CTR9: variants seen among roughly 807,000 people sequenced by gnomAD.
CTR9 encodes RNA polymerase-associated protein CTR9 homolog.
In CTR9, 41 loss-of-function variants were observed where a neutral mutation model predicts 152.1. The ratio of observed to expected loss-of-function variants is 0.27; its 90% CI spans 0.21 to 0.35. CTR9 has a LOEUF of 0.35. Ranked by LOEUF, CTR9 falls within the 10% of genes least tolerant of loss-of-function variation. CTR9 has a pLI of 1.00. For synonymous variants in CTR9, 476 were observed against 496.2 expected (o/e 0.96, Z 0.54); for missense variants, 917 against 1,424.4 (o/e 0.64, Z 5.73).
At chr11:10,757,085 G>T (rs1862896906) in intron 5 of CTR9, among the ~76,000 whole-genome samples, 1 of 152,142 alleles carries the variant, frequency 6.6e-6, no homozygotes, top group Admixed American at 6.5e-5. Flanking sequence ...AGGAGTTTGA[G>T]ACCAGCCTGG....
In CTR9 at chr11:10,751,476, G is replaced by C; in HGVS notation, c.45+19G>C. On this transcript the variant is annotated intron_variant, in intron 1 of 24. Coordinates refer to ENST00000361367, the MANE Select transcript of CTR9 (RefSeq NM_014633.5). Reference sequence around the variant, plus strand: ...TGACGAGGTAAGTGTCGTGTATGGAGGCGGGTGGGGGCCATGAACTTGTAC... The same window carrying C: ...TGACGAGGTAAGTGTCGTGTATGGACGCGGGTGGGGGCCATGAACTTGTAC... 1 of 1,612,180 alleles carries C rather than the reference G, an allele frequency of 6.2e-7. No homozygotes were observed. The highest frequency in any genetic ancestry group is 2.2e-5 in the East Asian group (1 of 44,850).
intron 21 of CTR9, among the ~76,000 whole-genome samples, 174 bp from the exon 22 acceptor site, chr11:10,773,838 T>C (rs988649227): frequency 6.7e-6 from 1 of 150,304 alleles, no homozygotes; most frequent in African/African-American, 2.5e-5. Flanking sequence ...TGAGCCGAGA[T>C]TGCCCCACTG....
intron 9 of CTR9, 43 bp downstream of exon 9, chr11:10,763,922 TC>T (rs775602651): frequency 7.0e-7 from 1 of 1,438,844 alleles, no homozygotes; most frequent in East Asian, 2.3e-5. Flanking sequence ...CTGTTAGCTG[TC>T]CCAAAACTCC....
In CTR9 at chr11:10,778,147, C is replaced by CA. The variant is rs549552860; in HGVS notation, c.3096-531dup. ...TGGTCATGGTGGAGGGGACCTAGTG[C>CA]AGTAGCAAATCTTAGGACAGGAATA... On this transcript the variant is annotated intron_variant, in intron 24 of 24. Coordinates refer to ENST00000361367, the MANE Select transcript of CTR9 (RefSeq NM_014633.5). Among the ~76,000 whole-genome samples the CA allele has an allele frequency of 4.1e-4, 62 of 152,314 alleles. 2 individuals are homozygous for CA. The South Asian group carries it at 0.013, about 32-fold the overall frequency.
Position 10,764,323 on chromosome 11 carries a change from T to A in CTR9, c.1300T>A (p.Tyr434Asn). ...GAAAATACAGGGTGCCCTTTCAGCC[T>A]ATGGAACAGCAACACGAATCCTTCA... ...QTDIQGALSA[Y>N]GTATRILQEK... The change falls in exon 11 of 25, where the codon TAT (tyrosine) becomes AAT (asparagine). Residue 434 changes from tyrosine to asparagine, a missense_variant. By Grantham distance (143) the Tyr-to-Asn change is moderately radical (BLOSUM62 -2). Around this residue, in one of 9 missense-constraint regions of CTR9, gnomAD observed 133 missense variants for 244.1 expected, o/e 0.54. Coordinates refer to ENST00000361367, the MANE Select transcript of CTR9 (RefSeq NM_014633.5). 1 of 1,614,132 alleles carries A rather than the reference T, an allele frequency of 6.2e-7. No individual in the cohort carries two copies. Among genetic ancestry groups the A allele is most frequent in the Non-Finnish European group, 8.5e-7 (1 of 1,180,004 alleles).
intron 7 of CTR9, among the ~76,000 whole-genome samples, chr11:10,762,764 G>A (rs1283471713): frequency 2.0e-5 from 3 of 152,122 alleles, no homozygotes; most frequent in Non-Finnish European, 4.4e-5. Flanking sequence ...AGCATTTTGA[G>A]GGGCCTAGGT....
At chr11:10,769,717 A>G (rs1252198711) in intron 16 of CTR9, among the ~76,000 whole-genome samples, 1 of 152,222 alleles carries the variant, frequency 6.6e-6, no homozygotes, top group African/African-American at 2.4e-5. Flanking sequence ...AAAAAGTGCT[A>G]TGTTCATGTC....
In CTR9 at chr11:10,763,544, T is replaced by G. The variant is rs1590021186; in HGVS notation, c.957+6T>G. 1 of 1,591,108 alleles carries G rather than the reference T, an allele frequency of 6.3e-7. No homozygotes were observed. The highest frequency in any genetic ancestry group is 8.5e-7 in the Non-Finnish European group (1 of 1,171,348). On this transcript the variant is annotated splice_donor_region_variant and intron_variant, in intron 8 of 24. Coordinates refer to ENST00000361367, the MANE Select transcript of CTR9 (RefSeq NM_014633.5). ...CTAGATCATTCCATGTTCAGGTAATTTTATAACTTCTCTAAATGTCTAATC... is the reference window on the plus strand; with the variant it reads ...CTAGATCATTCCATGTTCAGGTAATGTTATAACTTCTCTAAATGTCTAATC...
At chr11:10,764,002 A>T (rs1293709758) in intron 9 of CTR9, 110 bp from the exon 10 acceptor site, 5 of 1,343,102 alleles carry the variant, frequency 3.7e-6, no homozygotes, top group Non-Finnish European at 5.2e-6. Context: ...AGCTTGTTCC[A>T]GTTTAGATAA....
At position 10,764,703 on chromosome 11, in the gene CTR9, C is replaced by T. The variant is rs766122365; in HGVS notation, c.1569C>T (p.Ile523=). Residue 523 remains isoleucine (I), a synonymous_variant, in exon 12 of 25, where the codon ATC becomes ATT. Coordinates refer to ENST00000361367, the MANE Select transcript of CTR9 (RefSeq NM_014633.5). ...FHEAEKLYKN[I]LREHPNYVDC... ...AAGCAGAAAAACTGTATAAAAACAT[C>T]TTACGCGAACATCCTAATTATGTTG... 2.2e-5 allele frequency: 35 copies of T among 1,606,186 alleles called. 1 individual carries two copies. In the South Asian group the frequency reaches 2.5e-4, roughly 12 times the overall value.
At chr11:10,775,687 G>C in intron 24 of CTR9, 54 bp downstream of exon 24, 1 of 1,191,766 alleles carries the variant, frequency 8.4e-7, no homozygotes, top group South Asian at 1.3e-5. Context: ...AATCAAAAGT[G>C]ATTACTAATC....
At position 10,756,800 on chromosome 11, in the gene CTR9, A is replaced by G; in HGVS notation, c.554A>G (p.Tyr185Cys). ...NKKDYRGALAYYKKALRTNPG... is the reference protein window; with the variant it reads ...NKKDYRGALACYKKALRTNPG... ...AAGGATTACAGAGGAGCTCTTGCTT[A>G]CTATAAGAAAGCATTGCGTACTAAC... The change falls in exon 5 of 25, where the codon TAC (tyrosine) becomes TGC (cysteine). Residue 185 changes from tyrosine (Y) to cysteine (C), a missense_variant. Physicochemically the swap from Tyr to Cys is radical, Grantham distance 194. Around this residue, in one of 9 missense-constraint regions of CTR9, gnomAD observed 110 missense variants for 149.5 expected, o/e 0.74. Coordinates refer to ENST00000361367, the MANE Select transcript of CTR9 (RefSeq NM_014633.5). 1.9e-6 allele frequency: 3 copies of G among 1,612,264 alleles called. No homozygotes were observed. Among genetic ancestry groups the G allele is most frequent in the Non-Finnish European group, 2.5e-6 (3 of 1,179,376 alleles).
chr11:10,775,590 G>GT lies in CTR9; in HGVS notation c.3052_3053insT (p.Asp1018ValfsTer2). 6.2e-7 allele frequency: 1 copy of GT among 1,613,680 alleles called. No individual in the cohort carries two copies. The highest frequency in any genetic ancestry group is 8.5e-7 in the Non-Finnish European group (1 of 1,179,666). On this transcript the variant is annotated frameshift_variant, in exon 24 of 25. Coordinates refer to ENST00000361367, the MANE Select transcript of CTR9 (RefSeq NM_014633.5). LOFTEE classifies it high-confidence loss of function. The stretch of plus-strand genomic sequence containing the variant: ...ATCCAAAGCCATAATTTCATCAAGT[G>GT]ATGACTCTTCGGATGAGGATAAACT...
At chr11:10,775,956 T>C (rs1373960612) in intron 24 of CTR9, among the ~76,000 whole-genome samples, 1 of 152,244 alleles carries the variant, frequency 6.6e-6, no homozygotes, top group Non-Finnish European at 1.5e-5. Flanking sequence ...TGAAATTTCC[T>C]AGATGACATC....
chr11:10,773,031 GAAA>G (rs879031468), intron 20 of CTR9, 93 bp from the exon 21 acceptor site: 4 of 1,130,054 alleles, frequency 3.5e-6, no homozygotes, highest in Admixed American at 5.7e-5. Context: ...CATCTCAAAA[GAAA>G]AAAAAAAATC....
chr11:10,773,281 A>G lies in CTR9; in HGVS notation c.2727+8A>G, dbSNP rs1383811772. On this transcript the variant is annotated splice_region_variant and intron_variant, in intron 21 of 24. Transcript: ENST00000361367. ...GGTGGTGGTGGTGGACGGGTAAGAT[A>G]TAATTCCTGCTAGCACAAGTGACCT... 4 of 1,609,602 alleles carry G rather than the reference A, an allele frequency of 2.5e-6. No homozygotes were observed. The highest frequency in any genetic ancestry group is 2.7e-5 in the African/African-American group (2 of 74,532).
chr11:10,771,826 G>A (rs967970968), intron 19 of CTR9, among the ~76,000 whole-genome samples: 34 of 152,270 alleles, frequency 2.2e-4, no homozygotes, highest in African/African-American at 7.7e-4. Context: ...AGTTCTGGGG[G>A]AAAATACTTT....
At position 10,779,556 on chromosome 11, in the gene CTR9, A is replaced by G. The variant is rs114631799; in HGVS notation, c.*451A>G. ...ATATTTTTATTTTCTGAAGGCAGAGATATCTACTGTATAATTGCACCAAAG... is the reference window on the plus strand; with the variant it reads ...ATATTTTTATTTTCTGAAGGCAGAGGTATCTACTGTATAATTGCACCAAAG... On this transcript the variant is annotated 3_prime_UTR_variant, in exon 25 of 25. Coordinates refer to ENST00000361367, the MANE Select transcript of CTR9 (RefSeq NM_014633.5). 1,093 of 166,896 alleles carry G rather than the reference A, an allele frequency of 6.5e-3. 13 individuals carry two copies. The highest frequency in any genetic ancestry group is 0.024 in the African/African-American group (1,019 of 41,638). The allele number at this position is 166,896 out of a possible 1,614,324, so 10.3% of individuals were successfully genotyped here. A position where few individuals can be genotyped will look rare whatever the true frequency, so the allele number is the denominator to read the frequency against.
chr11:10,773,203 A>C lies in CTR9; in HGVS notation c.2657A>C (p.Lys886Thr). 1 of 1,613,194 alleles carries C rather than the reference A, an allele frequency of 6.2e-7. No individual in the cohort carries two copies. Among genetic ancestry groups the C allele is most frequent in the Non-Finnish European group, 8.5e-7 (1 of 1,179,814 alleles). Reference sequence around the variant, plus strand: ...CGGGCCCAGTATGTGGAGAAGACCAAAAATATTCTTATGTTTACTGGTGAG... The same window carrying C: ...CGGGCCCAGTATGTGGAGAAGACCACAAATATTCTTATGTTTACTGGTGAG... Reference protein sequence around the residue: ...EQRAQYVEKTKNILMFTGETE... With the variant: ...EQRAQYVEKTTNILMFTGETE... The change falls in exon 21 of 25, where the codon AAA (lysine) becomes ACA (threonine). Residue 886 changes from lysine (K) to threonine (T), a missense_variant. This residue lies in a region of CTR9 where 384 missense variants were observed against 398.4 expected (regional missense o/e 0.96). Coordinates refer to ENST00000361367, the MANE Select transcript of CTR9 (RefSeq NM_014633.5).
Sources: allele counts gnomAD v4.1 joint callset (sites outside exome capture counted in the v4.1 genomes callset), GRCh38; gene constraint gnomAD v4.1.1; regional missense constraint gnomAD v4.1.1; transcripts MANE v1.5; gene names NCBI Gene and HGNC (gene_info 2026-07-23, HGNC 2026-07-21).